Variants in CTNNA2 observed in about 807,000 individuals in gnomAD.
CTNNA2 encodes the protein catenin alpha 2, also known as catenin alpha-2.
Under a neutral mutation model 101.0 loss-of-function variants are expected in CTNNA2, and 42 were observed. The observed-to-expected ratio is 0.42, with a 90% CI of 0.32 to 0.54. The LOEUF (loss-of-function observed/expected upper bound fraction) is 0.54, where lower values mean the gene tolerates loss of function less well. CTNNA2 is among the 20% of genes least tolerant of loss of function. The pLI is 0.14. For missense variants in CTNNA2, 871 were observed against 1,223.1 expected (o/e 0.71, Z 4.29); for synonymous variants, 450 against 456.4 (o/e 0.99, Z 0.18).
At chr2:80,039,479 C>T (rs1042522748) in intron 7 of CTNNA2, among the ~76,000 whole-genome samples, 1 of 152,112 alleles carries the variant, frequency 6.6e-6, no homozygotes, top group Non-Finnish European at 1.5e-5. Context: ...AGTGAAATTC[C>T]AGTAATGCCC....
At chr2:79,343,784 T>C (rs1438544947) in intron 3 of CTNNA2, among the ~76,000 whole-genome samples, 1 of 151,832 alleles carries the variant, frequency 6.6e-6, no homozygotes, top group East Asian at 1.9e-4. Context: ...CTATTGCTAT[T>C]TTGTCCTCAT....
chr2:80,371,831 G>A (rs1462508067), intron 7 of CTNNA2, among the ~76,000 whole-genome samples: 1 of 152,112 alleles, frequency 6.6e-6, no homozygotes, highest in African/African-American at 2.4e-5. Flanking sequence ...TAGATGATAG[G>A]TTGGCATTGG....
intron 4 of CTNNA2, among the ~76,000 whole-genome samples, chr2:79,866,204 G>C (rs891953367): frequency 6.6e-6 from 1 of 152,210 alleles, no homozygotes; most frequent in Non-Finnish European, 1.5e-5. Flanking sequence ...TTTAAGAGTT[G>C]TAAGTGACAA....
At chr2:80,041,548 C>T (rs1019571178) in intron 7 of CTNNA2, among the ~76,000 whole-genome samples, 8 of 152,112 alleles carry the variant, frequency 5.3e-5, no homozygotes, top group Non-Finnish European at 1.2e-4. Context: ...TTTGAAATGA[C>T]TTTTCCCCCT....
intron 7 of CTNNA2, among the ~76,000 whole-genome samples, chr2:80,182,108 C>T (rs1705822289): frequency 6.6e-6 from 1 of 152,168 alleles, no homozygotes; most frequent in African/African-American, 2.4e-5. Flanking sequence ...AGTAGGCCAT[C>T]TGCAAGCTGA....
chr2:80,050,737 G>A (rs1696821939), intron 7 of CTNNA2, among the ~76,000 whole-genome samples: 1 of 152,074 alleles, frequency 6.6e-6, no homozygotes, highest in Non-Finnish European at 1.5e-5. Flanking sequence ...GTCTCACCCT[G>A]TCACCCAGGC....
At chr2:80,060,253 G>A (rs1253052461) in intron 7 of CTNNA2, among the ~76,000 whole-genome samples, 1 of 152,182 alleles carries the variant, frequency 6.6e-6, no homozygotes, top group African/African-American at 2.4e-5. Context: ...TGAGAGCTGA[G>A]TCAAGGCCTG....
intron 7 of CTNNA2, among the ~76,000 whole-genome samples, chr2:80,167,150 C>G (rs540474973): frequency 1.3e-5 from 2 of 152,070 alleles, no homozygotes; most frequent in East Asian, 1.9e-4. Flanking sequence ...TTGTTAATGG[C>G]AAAAATCACA....
intron 7 of CTNNA2, among the ~76,000 whole-genome samples, chr2:80,342,939 C>G (rs1672372724): frequency 6.6e-6 from 1 of 152,186 alleles, no homozygotes; most frequent in African/African-American, 2.4e-5. Context: ...CCATTCTTCT[C>G]TCCTAGCTTC....
chr2:80,418,932 CACAA>C (rs1203693815), intron 8 of CTNNA2, among the ~76,000 whole-genome samples: 4 of 152,138 alleles, frequency 2.6e-5, no homozygotes, highest in African/African-American at 9.7e-5. Flanking sequence ...AGCACCTGGG[CACAA>C]ACAGTTTTGA....
At chr2:80,144,753 A>G (rs1226080430) in intron 7 of CTNNA2, among the ~76,000 whole-genome samples, 1 of 152,192 alleles carries the variant, frequency 6.6e-6, no homozygotes, top group African/African-American at 2.4e-5. Context: ...CATTAACTGC[A>G]TTAGTGTTGT....
At chr2:79,537,855 T>C (rs907985201) in intron 1 of CTNNA2, among the ~76,000 whole-genome samples, 13 of 151,746 alleles carry the variant, frequency 8.6e-5, no homozygotes, top group Admixed American at 8.5e-4. Context: ...CAGTAGCCCC[T>C]CAGGATCTGT....
intron 7 of CTNNA2, among the ~76,000 whole-genome samples, chr2:80,011,226 A>T (rs1487094528): frequency 1.3e-5 from 2 of 152,160 alleles, no homozygotes; most frequent in Admixed American, 6.6e-5. Context: ...TTGAGAAAAG[A>T]TTATTTATAT....
chr2:79,371,322 G>C (rs1200288659), intron 3 of CTNNA2, among the ~76,000 whole-genome samples: 2 of 151,960 alleles, frequency 1.3e-5, no homozygotes, highest in Non-Finnish European at 2.9e-5. Context: ...AGATGGAGAC[G>C]AGCAGGCAAA....
At chr2:80,395,760 T>C (rs1677955206) in intron 8 of CTNNA2, among the ~76,000 whole-genome samples, 1 of 152,236 alleles carries the variant, frequency 6.6e-6, no homozygotes, top group South Asian at 2.1e-4. Flanking sequence ...GATAAATGTA[T>C]GCTAGAGCAG....
intron 4 of CTNNA2, among the ~76,000 whole-genome samples, chr2:79,495,791 G>A (rs1490598716): frequency 1.3e-5 from 2 of 152,012 alleles, no homozygotes; most frequent in South Asian, 2.1e-4. Context: ...ATGAAGTACC[G>A]ATACATGATA....
At chr2:80,356,675 C>A (rs1328540278) in intron 7 of CTNNA2, among the ~76,000 whole-genome samples, 1 of 152,086 alleles carries the variant, frequency 6.6e-6, no homozygotes. Flanking sequence ...ATGTGCCTGG[C>A]CATTTTAATG....
chr2:79,323,232 A>G (rs1676664849), intron 3 of CTNNA2, among the ~76,000 whole-genome samples: 2 of 152,202 alleles, frequency 1.3e-5, no homozygotes, highest in African/African-American at 4.8e-5. Flanking sequence ...CACATTCTAA[A>G]GCAGATTCCT....
At chr2:79,477,050 A>G (rs777444381) in intron 4 of CTNNA2, among the ~76,000 whole-genome samples, 39 of 152,174 alleles carry the variant, frequency 2.6e-4, no homozygotes, top group Non-Finnish European at 4.6e-4. Flanking sequence ...TTACAGACCT[A>G]TGTCCTCTAA....
Sources: allele counts gnomAD v4.1 joint callset (sites outside exome capture counted in the v4.1 genomes callset), GRCh38; gene constraint gnomAD v4.1.1; transcripts MANE v1.5; gene names NCBI Gene and HGNC (gene_info 2026-07-23, HGNC 2026-07-21).